AASS: variants seen among roughly 807,000 people sequenced by gnomAD.
The protein encoded by AASS is aminoadipate-semialdehyde synthase, also known as alpha-aminoadipic semialdehyde synthase, mitochondrial.
A neutral mutation model predicts 105.4 loss-of-function variants in AASS; 86 were observed. The ratio of observed to expected loss-of-function variants is 0.82; its 90% CI spans 0.69 to 0.98. The LOEUF is 0.98. Ranked by LOEUF, AASS falls within the 50% of genes least tolerant of loss-of-function variation. The pLI is 0.00. For synonymous variants in AASS, 381 were observed against 394.8 expected, an observed-to-expected ratio of 0.96 and a Z score of 0.41; for missense variants, 1,048 against 1,143.2, an observed-to-expected ratio of 0.92 and a Z score of 1.20.
At chr7:122,096,280 AT>A (rs1352868178) in intron 15 of AASS, among the ~76,000 whole-genome samples, 4 of 152,174 alleles carry the variant, frequency 2.6e-5, no homozygotes, top group Non-Finnish European at 4.4e-5. Context: ...TTCTTTACTC[AT>A]TTTTTTGTAG....
chr7:122,114,540 A>G (rs899805370), intron 9 of AASS, among the ~76,000 whole-genome samples: 2 of 152,336 alleles, frequency 1.3e-5, no homozygotes, highest in South Asian at 2.1e-4. Context: ...GCCAAGAGAA[A>G]GAGACCCCCT....
chr7:122,124,002 A>G (rs1338352251), intron 4 of AASS, among the ~76,000 whole-genome samples: 1 of 152,140 alleles, frequency 6.6e-6, no homozygotes, highest in Admixed American at 6.5e-5. Context: ...CCTACATCCA[A>G]TCAGTCACCA....
At chr7:122,133,788 G>C in intron 1 of AASS, 47 bp from the exon 2 acceptor site, 1 of 1,524,204 alleles carries the variant, frequency 6.6e-7, no homozygotes, top group Non-Finnish European at 9.1e-7. Flanking sequence ...CAGCAAGGCT[G>C]GCAGATCAGT....
At chr7:122,092,275 A>G (rs1457253336) in intron 17 of AASS, among the ~76,000 whole-genome samples, 1 of 152,108 alleles carries the variant, frequency 6.6e-6, no homozygotes, top group African/African-American at 2.4e-5. Context: ...AAGATATTTC[A>G]TATCAACAGA....
intron 15 of AASS, among the ~76,000 whole-genome samples, chr7:122,094,722 A>G (rs1263423421): frequency 1.3e-5 from 2 of 152,100 alleles, no homozygotes; most frequent in Non-Finnish European, 2.9e-5. Context: ...AACCCAATCA[A>G]AGTTGAGCTT....
In AASS at chr7:122,086,136, G is replaced by T. The variant is rs774243654; in HGVS notation, c.2060C>A (p.Thr687Lys). The change falls in exon 19 of 24, where the codon ACG (threonine) becomes AAG (lysine). Residue 687 changes from threonine (T) to lysine (K), a missense_variant. Physicochemically the swap from Thr to Lys is moderately conservative, Grantham distance 78. Coordinates refer to ENST00000417368, the MANE Select transcript of AASS (RefSeq NM_005763.4). ...AGGISFLDAV[T>K]SMDFFPGLNL... ...TAATCCTGGAAAAAAATCCATGGAC[G>T]TAACGGCATCAAGAAAGGAGATGCC... 17 of 1,613,302 alleles carry T rather than the reference G, an allele frequency of 1.1e-5. No homozygotes were observed. The highest frequency in any genetic ancestry group is 1.4e-5 in the Non-Finnish European group (16 of 1,179,754).
chr7:122,133,669 G>A lies in AASS; in HGVS notation c.58C>T (p.Leu20Phe). The change falls in exon 2 of 24, where the codon CTT (leucine) becomes TTT (phenylalanine). Residue 20 changes from leucine (L) to phenylalanine (F), a missense_variant. Physicochemically the swap from Leu to Phe is conservative, Grantham distance 22. Coordinates refer to ENST00000417368, the MANE Select transcript of AASS (RefSeq NM_005763.4). The stretch of plus-strand genomic sequence containing the variant: ...ACGGCCAACACAGCTTTGTGGTGAA[G>A]ACCCTTGGAGAGGCTGACCCCCAGC... ...GRLGVSLSKG[L>F]HHKAVLAVRR... The A allele has an allele frequency of 6.2e-7, 1 of 1,614,124 alleles. No individual in the cohort carries two copies. Among genetic ancestry groups the A allele is most frequent in the Non-Finnish European group, 8.5e-7 (1 of 1,180,040 alleles).
rs374098864 is a variant in AASS, at chr7:122,077,962, A to G, written c.2538T>C (p.His846=). 2 of 1,614,190 alleles carry G rather than the reference A, an allele frequency of 1.2e-6. No homozygotes were observed. Residue 846 remains histidine, a synonymous_variant, in exon 23 of 24, where the codon CAT becomes CAC. Transcript: ENST00000417368. The stretch of plus-strand genomic sequence containing the variant: ...TTTTATGTTCTAAATGTCCAGAAGG[A>G]TGTCTGATTCCAAAGCTGTCTCTCA... ...IVMRDSFGIR[H]PSGHLEHKTI...
At chr7:122,084,832 A>G (rs1406345208) in intron 19 of AASS, among the ~76,000 whole-genome samples, 1 of 151,982 alleles carries the variant, frequency 6.6e-6, no homozygotes, top group Non-Finnish European at 1.5e-5. Flanking sequence ...AACACACATG[A>G]GACAAATCCC....
intron 4 of AASS, among the ~76,000 whole-genome samples, chr7:122,125,223 AT>A (rs1562986667): frequency 6.6e-6 from 1 of 152,148 alleles, no homozygotes; most frequent in East Asian, 1.9e-4. Context: ...CCCTGCCTGA[AT>A]TGGTTTTAAG....
chr7:122,091,923 T>C (rs1472185936), intron 17 of AASS, 80 bp from the exon 18 acceptor site: 2 of 1,034,658 alleles, frequency 1.9e-6, no homozygotes, highest in Non-Finnish European at 2.9e-6. Context: ...GACAATGATA[T>C]GAATGGAGTA....
chr7:122,106,459 C>CAA (rs201977168), intron 11 of AASS, among the ~76,000 whole-genome samples: 4 of 149,272 alleles, frequency 2.7e-5, no homozygotes, highest in African/African-American at 9.8e-5. Flanking sequence ...CAATCCTAAA[C>CAA]AAAAAAAAAC....
intron 22 of AASS, among the ~76,000 whole-genome samples, chr7:122,078,609 C>T (rs1793150800): frequency 6.6e-6 from 1 of 152,048 alleles, no homozygotes; most frequent in African/African-American, 2.4e-5. Flanking sequence ...GACACCGTCT[C>T]AAAAAATAAC....
At chr7:122,110,983 CT>C (rs1395869605) in intron 11 of AASS, among the ~76,000 whole-genome samples, 1 of 152,048 alleles carries the variant, frequency 6.6e-6, no homozygotes, top group Admixed American at 6.6e-5. Flanking sequence ...AAAAAATGAT[CT>C]TCTCAATGAA....
chr7:122,098,384 G>T lies in AASS; in HGVS notation c.1655+66C>A, dbSNP rs1005718343. The T allele has an allele frequency of 5.0e-6, 8 of 1,586,762 alleles. No individual in the cohort carries two copies. In the African/African-American group the frequency reaches 8.1e-5, roughly 16 times the overall value. On this transcript the variant is annotated intron_variant, in intron 15 of 23. Transcript: ENST00000417368. The stretch of plus-strand genomic sequence containing the variant: ...GAGTATGAAGAGAGGAGAAGTGAAA[G>T]AGAAAGAAAAATGAGAAAAGAAATA...
At chr7:122,081,341 A>G (rs1035314971) in intron 20 of AASS, among the ~76,000 whole-genome samples, 159 bp downstream of exon 20, 1 of 152,188 alleles carries the variant, frequency 6.6e-6, no homozygotes, top group Non-Finnish European at 1.5e-5. Flanking sequence ...ATTCTTCCAC[A>G]ACAGTGAAGG....
At position 122,075,035 on chromosome 7, in the gene AASS, G is replaced by C. The variant is rs564023447; in HGVS notation, c.*1454C>G. ...CATCACATCCAGCTGTTTTTTGTTTGCTTGTTGTTTTTTGTTTGTTTGTTT... is the reference window on the plus strand; with the variant it reads ...CATCACATCCAGCTGTTTTTTGTTTCCTTGTTGTTTTTTGTTTGTTTGTTT... On this transcript the variant is annotated 3_prime_UTR_variant, in exon 24 of 24. Coordinates refer to ENST00000417368, the MANE Select transcript of AASS (RefSeq NM_005763.4). Among the ~76,000 whole-genome samples, 1 of 151,958 alleles carries C rather than the reference G, an allele frequency of 6.6e-6. No individual in the cohort carries two copies. The highest frequency in any genetic ancestry group is 2.4e-5 in the African/African-American group (1 of 41,466).
At chr7:122,096,970 T>C (rs1159820743) in intron 15 of AASS, among the ~76,000 whole-genome samples, 1 of 152,124 alleles carries the variant, frequency 6.6e-6, no homozygotes, top group Non-Finnish European at 1.5e-5. Context: ...CATTCTATTT[T>C]GAATCAGAAT....
At chr7:122,108,443 A>T (rs1794773250) in intron 11 of AASS, among the ~76,000 whole-genome samples, 1 of 152,118 alleles carries the variant, frequency 6.6e-6, no homozygotes, top group Admixed American at 6.6e-5. Context: ...TAGAAAACCA[A>T]ATTTAACAGC....
Sources: allele counts gnomAD v4.1 joint callset (sites outside exome capture counted in the v4.1 genomes callset), GRCh38; gene constraint gnomAD v4.1.1; transcripts MANE v1.5; gene names NCBI Gene and HGNC (gene_info 2026-07-23, HGNC 2026-07-21).